The following FAT3 variants were observed in gnomAD, a reference collection of about 807,000 sequenced individuals.
FAT3 encodes the protein protocadherin Fat 3.
A neutral mutation model predicts 310.2 loss-of-function variants in FAT3; 95 were observed. The ratio of observed to expected loss-of-function variants is 0.31; its 90% CI spans 0.26 to 0.36. The LOEUF is 0.36. Among genes scored for constraint, FAT3 ranks in the 10% least tolerant of loss-of-function variants. The probability of loss-of-function intolerance (pLI) is 1.00; values close to 1 mark genes in which losing one functional copy is unlikely to be tolerated. For missense variants in FAT3, 5,408 were observed against 5,715.6 expected (o/e 0.95, Z 1.74); for synonymous variants, 2,314 against 2,192.9 (o/e 1.06, Z -1.54).
chr11:92,411,304 G>A (rs1591249448), intron 2 of FAT3, among the ~76,000 whole-genome samples: 1 of 151,424 alleles, frequency 6.6e-6, no homozygotes, highest in Non-Finnish European at 1.5e-5. Context: ...GGCATTGTAG[G>A]AATTTCAAAG....
At chr11:92,303,968 C>T (rs758795953) in intron 1 of FAT3, among the ~76,000 whole-genome samples, 36 of 152,142 alleles carry the variant, frequency 2.4e-4, no homozygotes, top group Non-Finnish European at 4.6e-4. Context: ...AGTTGATGGC[C>T]CATGAGATTT....
intron 3 of FAT3, among the ~76,000 whole-genome samples, chr11:92,642,368 A>T (rs577068113): frequency 2.6e-5 from 4 of 152,222 alleles, no homozygotes; most frequent in Non-Finnish European, 4.4e-5. Flanking sequence ...ATGAATCAAC[A>T]TCAGACATAG....
rs1949703043 is a variant in FAT3 at position 92,882,783 on chromosome 11, C to T, written c.12327C>T (p.Asn4109=). ...AGTGCGAACGAGAGGAGTGTGAGAA[C>T]GGAGGCTCCTGCGTGAACGTGTTCG... The part of the protein sequence containing the change: ...INECEREECE[N]GGSCVNVFGS... Residue 4109 remains asparagine (N), a synonymous_variant, in exon 24 of 28, where the codon AAC becomes AAT. Coordinates refer to ENST00000525166, the MANE Select transcript of FAT3 (RefSeq NM_001367949.2). 2 of 1,611,264 alleles carry T rather than the reference C, an allele frequency of 1.2e-6. No individual in the cohort carries two copies. The highest frequency in any genetic ancestry group is 1.7e-6 in the Non-Finnish European group (2 of 1,178,890).
intron 4 of FAT3, among the ~76,000 whole-genome samples, chr11:92,713,617 G>A (rs1309491296): frequency 6.6e-6 from 1 of 152,072 alleles, no homozygotes; most frequent in South Asian, 2.1e-4. Flanking sequence ...TTTAAAAATA[G>A]GAAATTCACT....
At chr11:92,651,563 C>G (rs546821772) in intron 3 of FAT3, among the ~76,000 whole-genome samples, 1 of 151,918 alleles carries the variant, frequency 6.6e-6, no homozygotes, top group Non-Finnish European at 1.5e-5. Flanking sequence ...AGTTGAGACA[C>G]TTTTTTTTGT....
intron 3 of FAT3, among the ~76,000 whole-genome samples, chr11:92,692,352 G>A (rs1712233535): frequency 6.6e-6 from 1 of 152,170 alleles, no homozygotes; most frequent in South Asian, 2.1e-4. Context: ...CAGTTTCTGT[G>A]TTAAACACCA....
At chr11:92,616,740 A>C (rs908868998) in intron 3 of FAT3, among the ~76,000 whole-genome samples, 2 of 152,084 alleles carry the variant, frequency 1.3e-5, no homozygotes, top group African/African-American at 4.8e-5. Context: ...TTGTGAGCTT[A>C]TTTTGGCTGG....
chr11:92,504,403 C>T (rs1953038677), intron 2 of FAT3, among the ~76,000 whole-genome samples: 2 of 152,046 alleles, frequency 1.3e-5, no homozygotes, highest in Non-Finnish European at 2.9e-5. Flanking sequence ...ATAGCAGAAA[C>T]AGAAGGAAGG....
chr11:92,510,028 G>GT (rs1247956428), intron 2 of FAT3, among the ~76,000 whole-genome samples: 1 of 152,016 alleles, frequency 6.6e-6, no homozygotes, highest in Non-Finnish European at 1.5e-5. Flanking sequence ...GTTTATCTAT[G>GT]TATCTATCTC....
At chr11:92,614,678 A>G (rs560671491) in intron 3 of FAT3, among the ~76,000 whole-genome samples, 1 of 152,254 alleles carries the variant, frequency 6.6e-6, no homozygotes, top group African/African-American at 2.4e-5. Flanking sequence ...CACTTTCTTG[A>G]TGATCTTATT....
intron 12 of FAT3, among the ~76,000 whole-genome samples, chr11:92,807,282 A>T (rs1370432594): frequency 1.3e-5 from 2 of 152,022 alleles, no homozygotes; most frequent in East Asian, 1.9e-4. Context: ...GGCCTTCCAA[A>T]TTTTTTTTAA....
intron 3 of FAT3, among the ~76,000 whole-genome samples, chr11:92,613,620 T>G (rs1940670103): frequency 6.6e-6 from 1 of 152,162 alleles, no homozygotes; most frequent in African/African-American, 2.4e-5. Context: ...AACCCCATCT[T>G]CTAGCCTCTG....
intron 2 of FAT3, among the ~76,000 whole-genome samples, chr11:92,410,047 C>T (rs1207424962): frequency 6.6e-6 from 1 of 152,010 alleles, no homozygotes; most frequent in African/African-American, 2.4e-5. Flanking sequence ...GAACAAGGGT[C>T]AAAAATGTAA....
intron 2 of FAT3, among the ~76,000 whole-genome samples, chr11:92,500,172 A>G (rs1565364571): frequency 6.6e-6 from 1 of 152,068 alleles, no homozygotes; most frequent in Non-Finnish European, 1.5e-5. Context: ...ATTGACATTA[A>G]AATGCTAAGA....
intron 1 of FAT3, among the ~76,000 whole-genome samples, chr11:92,228,043 G>A (rs1477760429): frequency 1.3e-5 from 2 of 152,012 alleles, no homozygotes; most frequent in African/African-American, 2.4e-5. Flanking sequence ...GTGATGCTGG[G>A]GCCAGTTTCT....
intron 1 of FAT3, among the ~76,000 whole-genome samples, chr11:92,247,442 T>C (rs1156490654): frequency 6.6e-6 from 1 of 151,898 alleles, no homozygotes; most frequent in Non-Finnish European, 1.5e-5. Context: ...TCACCGCACG[T>C]TTTCACTCTT....
chr11:92,553,512 A>G (rs573341158), intron 3 of FAT3, among the ~76,000 whole-genome samples: 2 of 152,314 alleles, frequency 1.3e-5, no homozygotes, highest in Non-Finnish European at 1.5e-5. Context: ...CATCTGTTCA[A>G]CTTTAGAATG....
intron 3 of FAT3, among the ~76,000 whole-genome samples, chr11:92,654,595 C>T (rs952340274): frequency 3.3e-5 from 5 of 152,144 alleles, no homozygotes; most frequent in Non-Finnish European, 5.9e-5. Flanking sequence ...TTATTTATCT[C>T]TCTCTTTTTC....
intron 2 of FAT3, among the ~76,000 whole-genome samples, chr11:92,449,582 A>G (rs1280527669): frequency 1.3e-5 from 2 of 152,192 alleles, no homozygotes; most frequent in Admixed American, 1.3e-4. Flanking sequence ...TAGGGAACAT[A>G]CATCCTCATG....
Sources: allele counts gnomAD v4.1 joint callset (sites outside exome capture counted in the v4.1 genomes callset), GRCh38; gene constraint gnomAD v4.1.1; transcripts MANE v1.5; gene names NCBI Gene and HGNC (gene_info 2026-07-23, HGNC 2026-07-21).